The following CDK14 variants were observed in gnomAD, a reference collection of about 807,000 sequenced individuals.
CDK14 encodes cyclin dependent kinase 14.
CDK14 carries 34 observed loss-of-function variants against 60.7 expected under a neutral mutation model. The observed-to-expected ratio is 0.56, with a 90% CI of 0.43 to 0.75. CDK14 has a LOEUF of 0.75. CDK14 is among the 30% of genes least tolerant of loss of function. The pLI, the probability that CDK14 is intolerant of heterozygous loss-of-function variation, is 0.00. For missense variants in CDK14, 482 were observed against 564.1 expected (o/e 0.85, Z 1.47); for synonymous variants, 197 against 203.7 (o/e 0.97, Z 0.28).
intron 12 of CDK14, among the ~76,000 whole-genome samples, chr7:91,099,293 A>C (rs1799092593): frequency 6.6e-6 from 1 of 152,130 alleles, no homozygotes; most frequent in South Asian, 2.1e-4. Flanking sequence ...ATTTATAACC[A>C]ATCTCTCTGA....
intron 4 of CDK14, among the ~76,000 whole-genome samples, chr7:90,758,293 T>A (rs1445269821): frequency 6.6e-6 from 1 of 152,142 alleles, no homozygotes. Flanking sequence ...TCTCTCTCTG[T>A]TTTTATGTTT....
intron 2 of CDK14, among the ~76,000 whole-genome samples, chr7:90,652,922 T>A (rs1313405626): frequency 6.6e-6 from 1 of 152,170 alleles, no homozygotes; most frequent in Non-Finnish European, 1.5e-5. Context: ...CTTGTTTGCA[T>A]GTGTGTTTTC....
At chr7:91,186,106 C>T (rs888713667) in intron 14 of CDK14, among the ~76,000 whole-genome samples, 4 of 108,470 alleles carry the variant, frequency 3.7e-5, no homozygotes, top group South Asian at 4.1e-4. Flanking sequence ...CTTCCTTCTC[C>T]CCTCCCCTCC....
At chr7:90,812,923 C>T (rs1418898242) in intron 5 of CDK14, among the ~76,000 whole-genome samples, 1 of 152,072 alleles carries the variant, frequency 6.6e-6, no homozygotes, top group African/African-American at 2.4e-5. Flanking sequence ...GTATTGTCTA[C>T]CCAAGAGAGA....
At chr7:91,105,796 TGTA>T (rs1044195577) in intron 12 of CDK14, among the ~76,000 whole-genome samples, 4 of 152,124 alleles carry the variant, frequency 2.6e-5, no homozygotes, top group Non-Finnish European at 5.9e-5. Flanking sequence ...TTTAAAATGT[TGTA>T]GTAAAGAAAT....
At chr7:91,004,943 A>G (rs1301386010) in intron 10 of CDK14, among the ~76,000 whole-genome samples, 1 of 152,212 alleles carries the variant, frequency 6.6e-6, no homozygotes, top group East Asian at 1.9e-4. Context: ...GAGGGAGAGA[A>G]CCCAAGAAAG....
rs183254261 is a variant in CDK14 at position 90,673,838 on chromosome 7, A to G, written c.124-52729A>G. Among the ~76,000 whole-genome samples the G allele has an allele frequency of 7.9e-5, 12 of 152,304 alleles. No individual in the cohort carries two copies. The East Asian group carries it at 1.7e-3, about 22-fold the overall frequency. ...TTAAGATAATGGAGTACTGCAACTG[A>G]TGCATTTTTAAGTATTCTCACCTCC... On this transcript the variant is annotated intron_variant, in intron 2 of 14. Coordinates refer to ENST00000380050, the MANE Select transcript of CDK14 (RefSeq NM_001287135.2).
intron 5 of CDK14, among the ~76,000 whole-genome samples, chr7:90,853,695 C>G (rs1790724258): frequency 6.6e-6 from 1 of 152,120 alleles, no homozygotes; most frequent in South Asian, 2.1e-4. Context: ...TGTGTTACCT[C>G]TGTTTTATCT....
chr7:91,036,503 C>T (rs1392559641), intron 10 of CDK14, among the ~76,000 whole-genome samples: 2 of 152,060 alleles, frequency 1.3e-5, no homozygotes, highest in Non-Finnish European at 2.9e-5. Context: ...GCCTGTCTCT[C>T]CTGCCTCCCC....
chr7:90,943,804 CAG>C (rs1270879720), intron 8 of CDK14, among the ~76,000 whole-genome samples: 1 of 152,160 alleles, frequency 6.6e-6, no homozygotes, highest in Admixed American at 6.5e-5. Flanking sequence ...AAGGTGAAAA[CAG>C]AGATGTTCTG....
chr7:90,659,875 CTGTGTGTGTG>C (rs149308809), intron 2 of CDK14, among the ~76,000 whole-genome samples: 1 of 128,976 alleles, frequency 7.8e-6, no homozygotes, highest in African/African-American at 3.1e-5. Flanking sequence ...CTCTCTCTCT[CTGTGTGTGTG>C]TGTGTGTGTG....
chr7:91,002,337 TATA>T (rs2099655758), intron 10 of CDK14, among the ~76,000 whole-genome samples: 1 of 152,322 alleles, frequency 6.6e-6, no homozygotes, highest in South Asian at 2.1e-4. Flanking sequence ...TGCTTTATGT[TATA>T]ATATCTCTTA....
intron 2 of CDK14, among the ~76,000 whole-genome samples, chr7:90,619,238 G>A (rs955723797): frequency 6.6e-6 from 1 of 152,126 alleles, no homozygotes; most frequent in Non-Finnish European, 1.5e-5. Context: ...ATTTTTCCCT[G>A]TTTTTCTGTG....
intron 8 of CDK14, among the ~76,000 whole-genome samples, chr7:90,948,230 G>A (rs1794156993): frequency 6.6e-6 from 1 of 152,080 alleles, no homozygotes; most frequent in African/African-American, 2.4e-5. Flanking sequence ...TTGTCATCTA[G>A]CATTGGAATA....
chr7:90,740,314 G>T (rs1363215677), intron 3 of CDK14, among the ~76,000 whole-genome samples: 2 of 151,964 alleles, frequency 1.3e-5, no homozygotes, highest in African/African-American at 4.8e-5. Context: ...GAAAGAGTGT[G>T]TGTGTGTGTT....
At chr7:91,058,882 C>G (rs972605115) in intron 11 of CDK14, among the ~76,000 whole-genome samples, 31 of 152,282 alleles carry the variant, frequency 2.0e-4, no homozygotes, top group East Asian at 3.9e-4. Context: ...TGTTGTGTCT[C>G]TGCCCGGCTT....
chr7:90,745,635 C>T (rs1380511709), intron 3 of CDK14, among the ~76,000 whole-genome samples: 4 of 152,082 alleles, frequency 2.6e-5, no homozygotes, highest in South Asian at 4.1e-4. Context: ...AGGATGGTCT[C>T]GATCTCTTGA....
In CDK14 at chr7:90,753,246, C is replaced by G. The variant is rs1803918171; in HGVS notation, c.464+5471C>G. ...ATGAACAAAAATCCTAAACAAAATACCAGCAAACCAAATCCAGCAGCACAT... is the reference window on the plus strand; with the variant it reads ...ATGAACAAAAATCCTAAACAAAATAGCAGCAAACCAAATCCAGCAGCACAT... On this transcript the variant is annotated intron_variant, in intron 4 of 14. Coordinates refer to ENST00000380050, the MANE Select transcript of CDK14 (RefSeq NM_001287135.2). 2.0e-5 allele frequency among the ~76,000 whole-genome samples: 3 copies of G among 152,102 alleles called. No homozygotes were observed. In the South Asian group the frequency reaches 6.2e-4, roughly 32 times the overall value.
intron 14 of CDK14, among the ~76,000 whole-genome samples, chr7:91,120,191 C>G (rs1407531836): frequency 6.6e-6 from 1 of 152,176 alleles, no homozygotes; most frequent in Non-Finnish European, 1.5e-5. Flanking sequence ...CTCTTCTTGG[C>G]TCTTTTGAGA....
Sources: allele counts gnomAD v4.1 joint callset (sites outside exome capture counted in the v4.1 genomes callset), GRCh38; gene constraint gnomAD v4.1.1; transcripts MANE v1.5; gene names NCBI Gene and HGNC (gene_info 2026-07-23, HGNC 2026-07-21).